The following SLC39A11 variants were observed in gnomAD, a reference collection of about 807,000 sequenced individuals.
SLC39A11 encodes solute carrier family 39 member 11.
SLC39A11 carries 33 observed loss-of-function variants against 36.1 expected under a neutral mutation model. The observed-to-expected ratio is 0.91, with a 90% CI of 0.69 to 1.22. The LOEUF (loss-of-function observed/expected upper bound fraction) is 1.22. Ranked by LOEUF, SLC39A11 falls within the 50% of genes most tolerant of loss-of-function variation. SLC39A11 has a pLI of 0.00. For synonymous variants in SLC39A11, 166 were observed against 170.3 expected (o/e 0.97, Z 0.20); for missense variants, 432 against 430.3 (o/e 1.00, Z -0.03).
chr17:72,821,848 C>A (rs1016343551), intron 6 of SLC39A11: 1 of 151,450 alleles, frequency 6.6e-6, no homozygotes, highest in African/African-American at 2.4e-5. Flanking sequence ...CTCTGGATAC[C>A]CAGCCCTCTG....
At chr17:73,062,238 T>C (rs373830078) in intron 3 of SLC39A11, among the ~76,000 whole-genome samples, 35 of 151,306 alleles carry the variant, frequency 2.3e-4, no homozygotes, top group African/African-American at 8.5e-4. Context: ...GGCAGGCAGA[T>C]CACATGAGCT....
chr17:72,753,908 A>C (rs1015660094), intron 6 of SLC39A11, among the ~76,000 whole-genome samples: 2 of 149,620 alleles, frequency 1.3e-5, no homozygotes, highest in Non-Finnish European at 3.0e-5. Flanking sequence ...AAAAAAAAAA[A>C]AAAACCTGCA....
At chr17:72,822,259 G>T (rs56270591) in intron 6 of SLC39A11, among the ~76,000 whole-genome samples, 9,239 of 146,434 alleles carry the variant, frequency 0.063, 606 homozygotes, top group African/African-American at 0.13. Flanking sequence ...TATATATATA[G>T]AGAGAGAGAA....
intron 5 of SLC39A11, among the ~76,000 whole-genome samples, chr17:72,865,580 T>TA (rs1008500376): frequency 2.7e-4 from 40 of 149,190 alleles, no homozygotes; most frequent in South Asian, 2.4e-3. Flanking sequence ...AAACCTACTC[T>TA]AAAAAAAAAT....
At chr17:72,899,381 A>G (rs1033669042) in intron 5 of SLC39A11, among the ~76,000 whole-genome samples, 13 of 152,190 alleles carry the variant, frequency 8.5e-5, no homozygotes, top group African/African-American at 2.9e-4. Flanking sequence ...CAACAATCGT[A>G]ATTATTTACA....
intron 1 of SLC39A11, 115 bp downstream of exon 1, chr17:73,092,496 C>A (rs1329861389): frequency 6.6e-6 from 1 of 152,162 alleles, no homozygotes; most frequent in Non-Finnish European, 1.5e-5. Context: ...CAGGCGTACC[C>A]CCTTCCAAGC....
At chr17:72,800,020 CCT>C (rs1237777160) in intron 6 of SLC39A11, among the ~76,000 whole-genome samples, 2 of 152,176 alleles carry the variant, frequency 1.3e-5, no homozygotes, top group Middle Eastern at 3.4e-3. Context: ...CTGTAAAATT[CCT>C]CTCTTTGTAC....
chr17:72,803,893 C>T (rs578242149), intron 6 of SLC39A11, among the ~76,000 whole-genome samples: 2 of 152,226 alleles, frequency 1.3e-5, no homozygotes, highest in East Asian at 1.9e-4. Flanking sequence ...CGTCATATCC[C>T]ACTCTTACCA....
At chr17:72,743,731 G>A (rs1437079560) in intron 6 of SLC39A11, among the ~76,000 whole-genome samples, 1 of 152,146 alleles carries the variant, frequency 6.6e-6, no homozygotes, top group African/African-American at 2.4e-5. Context: ...TCAACAGACG[G>A]TAGAAAGAAC....
At chr17:72,657,668 C>T (rs977246526) in intron 7 of SLC39A11, among the ~76,000 whole-genome samples, 1 of 152,212 alleles carries the variant, frequency 6.6e-6, no homozygotes, top group African/African-American at 2.4e-5. Flanking sequence ...AAACCTGGCA[C>T]AGTCCCCAGA....
chr17:72,861,942 T>C (rs1451528106), intron 5 of SLC39A11, among the ~76,000 whole-genome samples: 1 of 151,134 alleles, frequency 6.6e-6, no homozygotes, highest in Non-Finnish European at 1.5e-5. Flanking sequence ...CACCACTCTG[T>C]GGTCCATGGA....
At chr17:73,047,915 G>C (rs8073589) in intron 3 of SLC39A11, among the ~76,000 whole-genome samples, 83 of 130,136 alleles carry the variant, frequency 6.4e-4, no homozygotes, top group African/African-American at 2.5e-3. Context: ...TTGCAGTGAG[G>C]CAAGATCGTG....
intron 6 of SLC39A11, among the ~76,000 whole-genome samples, chr17:72,770,089 C>T (rs2075883708): frequency 6.6e-6 from 1 of 152,202 alleles, no homozygotes. Flanking sequence ...ATCAGGACTT[C>T]CTGAGGCTGT....
intron 4 of SLC39A11, among the ~76,000 whole-genome samples, chr17:72,979,715 C>T (rs1028692348): frequency 3.3e-5 from 5 of 152,164 alleles, no homozygotes; most frequent in African/African-American, 1.2e-4. Flanking sequence ...ACCCACCTCC[C>T]TCCAACACAG....
intron 3 of SLC39A11, chr17:73,072,177 GGGAAGGATGCCCCCAAACAAAGA>G (rs2060181263): frequency 6.6e-6 from 1 of 152,222 alleles, no homozygotes; most frequent in Admixed American, 6.5e-5. Flanking sequence ...CATAGGAACA[GGGAAGGATGCCCCCAAACAAAGA>G]GGAAGATCTT....
At chr17:73,041,756 G>T (rs1211392754) in intron 3 of SLC39A11, among the ~76,000 whole-genome samples, 1 of 152,220 alleles carries the variant, frequency 6.6e-6, no homozygotes, top group Non-Finnish European at 1.5e-5. Context: ...TTTGTGGAAG[G>T]CTTGTAAATC....
At chr17:72,755,449 G>T (rs77109647) in intron 6 of SLC39A11, among the ~76,000 whole-genome samples, 3,831 of 152,322 alleles carry the variant, frequency 0.025, 156 homozygotes, top group African/African-American at 0.085. Context: ...CAATGCCAGG[G>T]GAGTTGGGAG....
intron 6 of SLC39A11, among the ~76,000 whole-genome samples, chr17:72,750,508 T>A (rs200640481): frequency 6.1e-5 from 1 of 16,292 alleles, no homozygotes; most frequent in South Asian, 3.0e-3. Flanking sequence ...GAGGAAAGGA[T>A]TTTTTTTTTT....
At chr17:72,952,271 A>T (rs559795072) in intron 4 of SLC39A11, among the ~76,000 whole-genome samples, 1 of 152,280 alleles carries the variant, frequency 6.6e-6, no homozygotes, top group South Asian at 2.1e-4. Context: ...CCTTTCCAGG[A>T]TTCTCAACAT....
Sources: gnomAD v4.1 joint callset for allele counts (sites outside exome capture counted in the v4.1 genomes callset) on GRCh38, gnomAD v4.1.1 for gene constraint, MANE v1.5 for transcripts, NCBI Gene and HGNC (gene_info 2026-07-23, HGNC 2026-07-21) for gene names.